KAZN: variants seen among roughly 807,000 people sequenced by gnomAD.
The protein encoded by KAZN is kazrin.
In KAZN, 40 loss-of-function variants were observed where a neutral mutation model predicts 87.4. That is an observed-to-expected ratio of 0.46 (90% CI 0.36 to 0.60). The LOEUF (loss-of-function observed/expected upper bound fraction) is 0.60, where lower values mean the gene tolerates loss of function less well. Among genes scored for constraint, KAZN ranks in the 20% least tolerant of loss-of-function variants. KAZN has a pLI of 0.00. For synonymous variants in KAZN, 466 were observed against 458.3 expected (o/e 1.02, Z -0.22); for missense variants, 898 against 1,073.9 (o/e 0.84, Z 2.29).
At chr1:13,984,747 T>C (rs1353277151) in intron 1 of KAZN, among the ~76,000 whole-genome samples, 2 of 152,238 alleles carry the variant, frequency 1.3e-5, no homozygotes, top group African/African-American at 4.8e-5. Flanking sequence ...GAGCATGGCA[T>C]ATAAGTGTGC....
upstream of KAZN, among the ~76,000 whole-genome samples, chr1:14,595,865 A>G (rs980093529): frequency 2.0e-5 from 3 of 148,780 alleles, no homozygotes; most frequent in Non-Finnish European, 2.9e-5. Flanking sequence ...TCATGTTAGG[A>G]AAAAAAACTC....
intron 1 of KAZN, among the ~76,000 whole-genome samples, chr1:14,629,682 G>T (rs939260457): frequency 6.6e-6 from 1 of 152,128 alleles, no homozygotes; most frequent in African/African-American, 2.4e-5. Flanking sequence ...TCTAATCTTT[G>T]GGAAAAAAGT....
In KAZN at chr1:14,693,548, C is replaced by T. The variant is rs574074226; in HGVS notation, c.226+94325C>T. Among the ~76,000 whole-genome samples the T allele has an allele frequency of 2.0e-5, 3 of 152,314 alleles. No homozygotes were observed. The East Asian group carries it at 5.8e-4, about 29-fold the overall frequency. On this transcript the variant is annotated intron_variant, in intron 1 of 14. Coordinates refer to ENST00000376030, the MANE Select transcript of KAZN (RefSeq NM_201628.3). ...CATGGGGTGGGACTGCCTGAAACGG[C>T]GGTCTAACCACTGCTGGTATAGAAA...
intron 2 of KAZN, among the ~76,000 whole-genome samples, chr1:14,277,301 G>A (rs965884120): frequency 1.3e-5 from 2 of 152,050 alleles, no homozygotes; most frequent in African/African-American, 4.8e-5. Context: ...AAAAGCTACG[G>A]TCTCTTTTTA....
chr1:14,511,800 C>T (rs1670919826), intron 2 of KAZN, among the ~76,000 whole-genome samples: 1 of 152,118 alleles, frequency 6.6e-6, no homozygotes, highest in African/African-American at 2.4e-5. Flanking sequence ...TGGAAACCAG[C>T]AGCTTCGACA....
chr1:14,870,972 A>G (rs1652066914), intron 1 of KAZN, among the ~76,000 whole-genome samples: 1 of 152,180 alleles, frequency 6.6e-6, no homozygotes, highest in Non-Finnish European at 1.5e-5. Context: ...GGCTTGTCTG[A>G]TATCTGGAGA....
intron 2 of KAZN, among the ~76,000 whole-genome samples, chr1:14,535,540 C>G (rs536777312): frequency 6.6e-6 from 1 of 152,136 alleles, no homozygotes; most frequent in African/African-American, 2.4e-5. Context: ...GTGGCGCATG[C>G]CTGTAATCCC....
rs933628807 is a variant in KAZN at position 14,820,163 on chromosome 1, G to T, written c.227-140521G>T. Reference sequence around the variant, plus strand: ...CTTCCCAAATATGCAGATTCAGTAGGAGTGGCAGGGCCCATGAACTCACAT... The same window carrying T: ...CTTCCCAAATATGCAGATTCAGTAGTAGTGGCAGGGCCCATGAACTCACAT... On this transcript the variant is annotated intron_variant, in intron 1 of 14. Transcript: ENST00000376030. The surrounding 1 kb of genome is among the most constrained non-coding windows in gnomAD (Gnocchi z 4.1). Among the ~76,000 whole-genome samples, 1 of 152,184 alleles carries T rather than the reference G, an allele frequency of 6.6e-6. No homozygotes were observed. Among genetic ancestry groups the T allele is most frequent in the African/African-American group, 2.4e-5 (1 of 41,436 alleles).
chr1:14,607,479 T>G (rs1677461770), intron 1 of KAZN, among the ~76,000 whole-genome samples: 1 of 152,228 alleles, frequency 6.6e-6, no homozygotes, highest in Non-Finnish European at 1.5e-5. Flanking sequence ...AAACTGTTAT[T>G]GTTCTAATGT....
At position 14,664,802 on chromosome 1, in the gene KAZN, C is replaced by T. The variant is rs367858419; in HGVS notation, c.226+65579C>T. Among the ~76,000 whole-genome samples, 13 of 151,936 alleles carry T rather than the reference C, an allele frequency of 8.6e-5. No homozygotes were observed. The East Asian group carries it at 2.5e-3, about 30-fold the overall frequency. On this transcript the variant is annotated intron_variant, in intron 1 of 14. Coordinates refer to ENST00000376030, the MANE Select transcript of KAZN (RefSeq NM_201628.3). ...CCGAGTAGCTGGGACTACAGGTACC[C>T]ACCACCACGCCTGGCTAATTTGTTT... is the stretch of plus-strand genomic sequence containing the variant.
chr1:14,505,645 G>A (rs1366148305), intron 2 of KAZN, among the ~76,000 whole-genome samples: 2 of 152,138 alleles, frequency 1.3e-5, no homozygotes, highest in Non-Finnish European at 2.9e-5. Context: ...AATGAGAACT[G>A]ATTGTTTCAT....
chr1:14,955,786 G>A (rs1294347103), intron 1 of KAZN, among the ~76,000 whole-genome samples: 1 of 152,218 alleles, frequency 6.6e-6, no homozygotes, highest in Non-Finnish European at 1.5e-5. Context: ...GCAGGGTGCA[G>A]AGAAGACCCT....
At position 14,311,718 on chromosome 1, in the gene KAZN, G is replaced by GTGGA. The variant is rs535549756; in HGVS notation, c.249+131147_249+131150dup. Among the ~76,000 whole-genome samples, 49 of 152,148 alleles carry GTGGA rather than the reference G, an allele frequency of 3.2e-4. 1 individual carries two copies. The South Asian group carries it at 6.6e-3, about 21-fold the overall frequency. On this transcript the variant is annotated intron_variant, in intron 2 of 16. Coordinates refer to the KAZN transcript ENST00000636203. The stretch of plus-strand genomic sequence containing the variant: ...ATTAATAAATATTGGATGGATGGGG[G>GTGGA]TGGATGGATGGATGGATGGATGGAA...
intron 1 of KAZN, among the ~76,000 whole-genome samples, chr1:14,754,626 C>T (rs978728366): frequency 2.6e-5 from 4 of 152,052 alleles, no homozygotes; most frequent in South Asian, 2.1e-4. Context: ...GAGGGAGATT[C>T]GGTCTAAAAT....
At chr1:14,212,857 T>G (rs1646884092) in intron 2 of KAZN, among the ~76,000 whole-genome samples, 1 of 152,206 alleles carries the variant, frequency 6.6e-6, no homozygotes, top group Non-Finnish European at 1.5e-5. Context: ...CTAAATGTCT[T>G]GATTTTATGC....
At chr1:14,423,817 T>G (rs192490527) in intron 2 of KAZN, among the ~76,000 whole-genome samples, 1 of 152,160 alleles carries the variant, frequency 6.6e-6, no homozygotes, top group East Asian at 1.9e-4. Flanking sequence ...GCTGGAACTT[T>G]TGGGGAAGAT....
chr1:15,007,497 A>G (rs189424063), intron 2 of KAZN, among the ~76,000 whole-genome samples: 1 of 152,308 alleles, frequency 6.6e-6, no homozygotes, highest in Admixed American at 6.5e-5. Context: ...GGGCTCTCTC[A>G]GGCCTCTCTG....
At chr1:14,419,884 G>C (rs555883355) in intron 2 of KAZN, among the ~76,000 whole-genome samples, 1 of 152,138 alleles carries the variant, frequency 6.6e-6, no homozygotes. Flanking sequence ...CAGACAGTGA[G>C]ACCCCAAAGA....
At chr1:14,324,815 G>A (rs16853952) in intron 2 of KAZN, among the ~76,000 whole-genome samples, 3,535 of 152,042 alleles carry the variant, frequency 0.023, 147 homozygotes, top group African/African-American at 0.081. Context: ...TAAGACTTAC[G>A]GCTGCAAATA....
Sources: gnomAD v4.1 joint callset for allele counts (sites outside exome capture counted in the v4.1 genomes callset) on GRCh38, gnomAD v4.1.1 for gene constraint, Gnocchi (gnomAD v3.1) non-coding constraint, MANE v1.5 for transcripts, NCBI Gene and HGNC (gene_info 2026-07-23, HGNC 2026-07-21) for gene names.